PLD5: variants seen among roughly 807,000 people sequenced by gnomAD.
The protein encoded by PLD5 is phospholipase D family member 5.
PLD5 carries 36 observed loss-of-function variants against 61.1 expected under a neutral mutation model. The ratio of observed to expected loss-of-function variants is 0.59; its 90% CI spans 0.45 to 0.78. The LOEUF is 0.78. Ranked by LOEUF, PLD5 falls within the 30% of genes least tolerant of loss-of-function variation. The pLI, the probability that PLD5 is intolerant of heterozygous loss-of-function variation, is 0.00. For synonymous variants in PLD5, 243 were observed against 242.8 expected (o/e 1.00, Z -0.01); for missense variants, 515 against 644.4 (o/e 0.80, Z 2.17).
chr1:242,181,542 T>G (rs1455088041), intron 5 of PLD5, among the ~76,000 whole-genome samples: 1 of 152,208 alleles, frequency 6.6e-6, no homozygotes, highest in East Asian at 1.9e-4. Flanking sequence ...TGGATAGCAC[T>G]GCTGTAGAGA....
chr1:242,144,945 TAGAA>T (rs570696314), intron 5 of PLD5, among the ~76,000 whole-genome samples: 146 of 152,306 alleles, frequency 9.6e-4, no homozygotes, highest in African/African-American at 3.3e-3. Flanking sequence ...TTAATGATAG[TAGAA>T]AGAGTAAACA....
At chr1:242,377,159 G>A in intron 1 of PLD5, 1 of 1,611,690 alleles carries the variant, frequency 6.2e-7, no homozygotes, top group Non-Finnish European at 8.5e-7. Context: ...TGTGTACGAT[G>A]AAGAGGTGTC....
At chr1:242,329,302 G>A (rs1336287298) in intron 2 of PLD5, among the ~76,000 whole-genome samples, 1 of 152,132 alleles carries the variant, frequency 6.6e-6, no homozygotes. Context: ...GAGCCACTGT[G>A]CTCAGCCTTT....
intron 3 of PLD5, among the ~76,000 whole-genome samples, chr1:242,287,635 A>G (rs1307099791): frequency 1.3e-5 from 2 of 152,186 alleles, no homozygotes; most frequent in African/African-American, 2.4e-5. Context: ...CTTGACTTAC[A>G]TATGATATTT....
chr1:242,496,331 T>C (rs1356424994), intron 1 of PLD5, among the ~76,000 whole-genome samples: 1 of 152,224 alleles, frequency 6.6e-6, no homozygotes, highest in Non-Finnish European at 1.5e-5. Flanking sequence ...CTCCACACAA[T>C]TACTCTTGAA....
intron 1 of PLD5, among the ~76,000 whole-genome samples, chr1:242,523,507 GC>G (rs146255768): frequency 0.015 from 2,260 of 152,160 alleles, 65 homozygotes; most frequent in African/African-American, 0.052. Context: ...CTCGCTTTTA[GC>G]CTTTCTCCTT....
At chr1:242,375,359 T>C (rs1661886559) in intron 1 of PLD5, among the ~76,000 whole-genome samples, 1 of 152,202 alleles carries the variant, frequency 6.6e-6, no homozygotes. Flanking sequence ...TTTAGAAAGG[T>C]CTGAGCAGCC....
intron 1 of PLD5, among the ~76,000 whole-genome samples, chr1:242,449,960 AG>A (rs1464485915): frequency 6.6e-6 from 1 of 152,238 alleles, no homozygotes; most frequent in East Asian, 1.9e-4. Flanking sequence ...AAATCTGAAC[AG>A]GTGGAAAGAA....
At chr1:242,220,144 C>T (rs750289670) in intron 4 of PLD5, 29 bp from the exon 5 acceptor site, 1 of 1,611,050 alleles carries the variant, frequency 6.2e-7, no homozygotes, top group East Asian at 2.2e-5. Flanking sequence ...TCTGGTCAGC[C>T]TCTGCGTCAA....
At position 242,087,839 on chromosome 1, in the gene PLD5, T is replaced by C. The variant is rs934303485; in HGVS notation, c.*2015A>G. 6.6e-6 allele frequency: 1 copy of C among 152,214 alleles called. No homozygotes were observed. Among genetic ancestry groups the C allele is most frequent in the Non-Finnish European group, 1.5e-5 (1 of 68,042 alleles). 9.4% of individuals were successfully genotyped at this position (152,214 alleles called of 1,614,324 possible). A position where few individuals can be genotyped will look rare whatever the true frequency, so the allele number is the denominator to read the frequency against. On this transcript the variant is annotated 3_prime_UTR_variant, in exon 10 of 10. Transcript: ENST00000536534. ...CCAACTCAAATATGGATTGTGTATATGGTAAATATTTAGAGTCTTAGGGAC... is the reference window on the plus strand; with the variant it reads ...CCAACTCAAATATGGATTGTGTATACGGTAAATATTTAGAGTCTTAGGGAC...
At chr1:242,341,271 G>A (rs1659817115) in intron 2 of PLD5, among the ~76,000 whole-genome samples, 1 of 151,268 alleles carries the variant, frequency 6.6e-6, no homozygotes, top group African/African-American at 2.4e-5. Flanking sequence ...CTAAGGTCAT[G>A]ATACTAAACA....
intron 1 of PLD5, among the ~76,000 whole-genome samples, chr1:242,464,054 G>A (rs1009112540): frequency 2.6e-5 from 4 of 152,098 alleles, no homozygotes; most frequent in African/African-American, 4.8e-5. Flanking sequence ...CCCAATTCTC[G>A]ATTTTAATCT....
chr1:242,367,472 A>T (rs1322422920), intron 1 of PLD5, among the ~76,000 whole-genome samples: 1 of 152,148 alleles, frequency 6.6e-6, no homozygotes, highest in African/African-American at 2.4e-5. Flanking sequence ...CACAAAACAG[A>T]CATGTTTTAA....
intron 5 of PLD5, among the ~76,000 whole-genome samples, chr1:242,198,460 T>C (rs79693130): frequency 6.6e-6 from 1 of 151,822 alleles, no homozygotes; most frequent in African/African-American, 2.4e-5. Flanking sequence ...TGTTTTTTTT[T>C]ATTTGCTATA....
At chr1:242,305,048 G>A (rs1437413948) in intron 2 of PLD5, among the ~76,000 whole-genome samples, 2 of 152,210 alleles carry the variant, frequency 1.3e-5, no homozygotes, top group Admixed American at 6.5e-5. Context: ...AGAGGTTGCA[G>A]TGAGCTGGGA....
intron 2 of PLD5, among the ~76,000 whole-genome samples, chr1:242,323,941 A>C (rs1212484126): frequency 3.9e-5 from 6 of 152,146 alleles, no homozygotes; most frequent in Non-Finnish European, 8.8e-5. Flanking sequence ...TAGTGTGTTC[A>C]AGGCAGGAGA....
At chr1:242,331,470 T>C (rs552433858) in intron 2 of PLD5, among the ~76,000 whole-genome samples, 1 of 152,288 alleles carries the variant, frequency 6.6e-6, no homozygotes, top group African/African-American at 2.4e-5. Context: ...CTGAGAAGCC[T>C]TGTCTTAACT....
At chr1:242,298,218 G>A (rs1246670351) in intron 2 of PLD5, among the ~76,000 whole-genome samples, 1 of 152,196 alleles carries the variant, frequency 6.6e-6, no homozygotes, top group Non-Finnish European at 1.5e-5. Context: ...GATGATTCAG[G>A]CAGATGAACG....
In PLD5 at chr1:242,089,727, A is replaced by T; in HGVS notation, c.*127T>A. The T allele has an allele frequency of 1.6e-6, 2 of 1,257,348 alleles. No homozygotes were observed. The highest frequency in any genetic ancestry group is 2.2e-6 in the Non-Finnish European group (2 of 894,246). The allele number at this position is 1,257,348 out of a possible 1,614,324, so 77.9% of individuals were successfully genotyped here. On this transcript the variant is annotated 3_prime_UTR_variant, in exon 10 of 10. Coordinates refer to ENST00000536534, the MANE Select transcript of PLD5 (RefSeq NM_001372062.1). ...GTTAGATAGGTATTATGTGTTGTTC[A>T]GAGAATATTTTTTATAAGTGTGCTT... is the stretch of plus-strand genomic sequence containing the variant.
Sources: gnomAD v4.1 joint callset for allele counts (sites outside exome capture counted in the v4.1 genomes callset) on GRCh38, gnomAD v4.1.1 for gene constraint, MANE v1.5 for transcripts, NCBI Gene and HGNC (gene_info 2026-07-23, HGNC 2026-07-21) for gene names.